IFT22: variants seen among roughly 807,000 people sequenced by gnomAD.
IFT22 encodes the protein intraflagellar transport protein 22 homolog.
In IFT22, 13 loss-of-function variants were observed where a neutral mutation model predicts 21.0. That is an observed-to-expected ratio of 0.62 (90% CI 0.40 to 0.98). The LOEUF (loss-of-function observed/expected upper bound fraction) is 0.98, where lower values mean the gene tolerates loss of function less well. Among genes scored for constraint, IFT22 ranks in the 50% least tolerant of loss-of-function variants. The pLI, the probability that IFT22 is intolerant of heterozygous loss-of-function variation, is 0.00. For synonymous variants in IFT22, 67 were observed against 82.4 expected (o/e 0.81, Z 1.01); for missense variants, 227 against 228.9 (o/e 0.99, Z 0.06).
Position 101,315,281 on chromosome 7 carries a change from C to T in IFT22, c.411G>A (p.Ser137=), listed in dbSNP as rs758284945. 7 of 1,613,980 alleles carry T rather than the reference C, an allele frequency of 4.3e-6. No individual in the cohort carries two copies. The highest frequency in any genetic ancestry group is 1.3e-5 in the African/African-American group (1 of 74,976). ...CCAGCTTCAGCTTGTTCAAGGGTGG[C>T]GCTTGAAAATGAAGATAAGGTTAAT... ...SGDDKGSLSL[S]PPLNKLKLVH... Residue 137 remains serine (S), a splice_region_variant and synonymous_variant, in exon 5 of 5, where the codon TCG becomes TCA. Transcript: ENST00000315322.
intron 3 of IFT22, among the ~76,000 whole-genome samples, 182 bp downstream of exon 3, chr7:101,317,942 A>G (rs1381473362): frequency 2.6e-5 from 4 of 151,986 alleles, no homozygotes; most frequent in Non-Finnish European, 4.4e-5. Context: ...AATTTTTTGT[A>G]TTTTTAGTAG....
chr7:101,319,173 C>T, intron 1 of IFT22, 141 bp from the exon 2 acceptor site: 2 of 709,472 alleles, frequency 2.8e-6, no homozygotes, highest in South Asian at 1.6e-5. Flanking sequence ...TGGTTACGAC[C>T]TCACTGTCTT....
At position 101,312,174 on chromosome 7, in the gene IFT22, C is replaced by T. The variant is rs147309141; in HGVS notation, c.*2960G>A. Among the ~76,000 whole-genome samples, 509 of 152,140 alleles carry T rather than the reference C, an allele frequency of 3.3e-3. 3 individuals carry two copies. The highest frequency in any genetic ancestry group is 0.011 in the African/African-American group (453 of 41,518). ...ATCCCACCACTTTGGGAGGCTGAGA[C>T]GGGCGGATCACTCAAGGACAGGAGT... On this transcript the variant is annotated 3_prime_UTR_variant, in exon 5 of 5. Coordinates refer to ENST00000315322, the MANE Select transcript of IFT22 (RefSeq NM_022777.4).
rs958911328 is a variant in IFT22, at chr7:101,313,022, C to T, written c.*2112G>A. 5.3e-5 allele frequency among the ~76,000 whole-genome samples: 8 copies of T among 151,870 alleles called. No homozygotes were observed. Among genetic ancestry groups the T allele is most frequent in the Non-Finnish European group, 8.8e-5 (6 of 67,970 alleles). ...CTAATTTTTGTATTTTTAGTAGAGA[C>T]GGGGTTTCACCATGTTGGACAGGCT... On this transcript the variant is annotated 3_prime_UTR_variant, in exon 5 of 5. Transcript: ENST00000315322.
At chr7:101,316,106 C>A in intron 4 of IFT22, 1 of 447,870 alleles carries the variant, frequency 2.2e-6, no homozygotes, top group Non-Finnish European at 4.1e-6. Context: ...TCAAGCAATT[C>A]TCCTGCCTTA....
chr7:101,321,545 T>A lies in IFT22; in HGVS notation c.39+126A>T, dbSNP rs553161513. ...GAAAGGGCAGGGGCGCCAGTCGGGA[T>A]GGGCGCGGTGGGCCCGGGTTCCCGC... On this transcript the variant is annotated intron_variant, in intron 1 of 4. Transcript: ENST00000315322. 8 of 946,596 alleles carry A rather than the reference T, an allele frequency of 8.5e-6. No homozygotes were observed. The South Asian group carries it at 1.3e-4, about 16-fold the overall frequency. The allele number at this position is 946,596 out of a possible 1,614,324, so 58.6% of individuals were successfully genotyped here. A position where few individuals can be genotyped will look rare whatever the true frequency, so the allele number is the denominator to read the frequency against.
intron 1 of IFT22, among the ~76,000 whole-genome samples, chr7:101,321,142 C>CA (rs1044928183): frequency 2.6e-5 from 4 of 151,482 alleles, no homozygotes; most frequent in Non-Finnish European, 5.9e-5. Flanking sequence ...GACTCTGTCT[C>CA]AAAAAAACAA....
At position 101,321,616 on chromosome 7, in the gene IFT22, C is replaced by T. The variant is rs576510163; in HGVS notation, c.39+55G>A. On this transcript the variant is annotated intron_variant, in intron 1 of 4. Coordinates refer to ENST00000315322, the MANE Select transcript of IFT22 (RefSeq NM_022777.4). ...TCAGACGGGTGGGGACCTGCGCTCG[C>T]CCAGGCCCCGAGGCCTGCTCCCCGC... 31 of 1,547,386 alleles carry T rather than the reference C, an allele frequency of 2.0e-5. No individual in the cohort carries two copies. The South Asian group carries it at 3.3e-4, about 16-fold the overall frequency.
At position 101,314,780 on chromosome 7, in the gene IFT22, A is replaced by G. The variant is rs1332266123; in HGVS notation, c.*354T>C. 4.8e-6 allele frequency: 1 copy of G among 210,210 alleles called. No homozygotes were observed. Among genetic ancestry groups the G allele is most frequent in the African/African-American group, 2.3e-5 (1 of 43,202 alleles). 13.0% of individuals were successfully genotyped at this position (210,210 alleles called of 1,614,324 possible). On this transcript the variant is annotated 3_prime_UTR_variant, in exon 5 of 5. Transcript: ENST00000315322. Reference sequence around the variant, plus strand: ...AATCAAGGAATGAAAATCACATTCAAGCCAATACACGTGATTAAACTACTG... The same window carrying G: ...AATCAAGGAATGAAAATCACATTCAGGCCAATACACGTGATTAAACTACTG...
intron 1 of IFT22, among the ~76,000 whole-genome samples, chr7:101,320,294 G>A (rs1357557851): frequency 6.7e-6 from 1 of 148,586 alleles, no homozygotes; most frequent in Non-Finnish European, 1.5e-5. Context: ...TTTTTGAGAC[G>A]GAGTCTCGCT....
chr7:101,318,913 G>A (rs768461372), intron 2 of IFT22, 43 bp downstream of exon 2: 24 of 1,505,562 alleles, frequency 1.6e-5, no homozygotes, highest in African/African-American at 6.9e-5. Flanking sequence ...CCTCCCTGCC[G>A]AGCCAGTTGG....
chr7:101,315,998 T>TC, intron 4 of IFT22: 1 of 36,938 alleles, frequency 2.7e-5, no homozygotes, highest in Admixed American at 1.7e-4. Context: ...GTCTTTTCTC[T>TC]TTTTTTTTTT....
intron 1 of IFT22, among the ~76,000 whole-genome samples, chr7:101,320,176 C>T (rs1318985470): frequency 6.6e-6 from 1 of 151,614 alleles, no homozygotes; most frequent in Admixed American, 6.6e-5. Flanking sequence ...AGGCTGGACT[C>T]GAACTCCTGA....
Position 101,318,193 on chromosome 7 carries a change from G to GCAACA in IFT22, c.136_137insTGTTG (p.Pro46LeufsTer34). The GCAACA allele has an allele frequency of 1.9e-6, 3 of 1,613,246 alleles. No individual in the cohort carries two copies. Among genetic ancestry groups the GCAACA allele is most frequent in the Non-Finnish European group, 2.5e-6 (3 of 1,179,396 alleles). ...GCCTTTGTTGTTGCTGGTAACATGCGGGTTCTCAAATTCTAGGATCCTAAA... is the reference window on the plus strand; with the variant it reads ...GCCTTTGTTGTTGCTGGTAACATGCGCAACAGGTTCTCAAATTCTAGGATCCTAAA... On this transcript the variant is annotated frameshift_variant, in exon 3 of 5. Coordinates refer to ENST00000315322, the MANE Select transcript of IFT22 (RefSeq NM_022777.4). LOFTEE classifies it high-confidence loss of function.
In IFT22 at chr7:101,315,125, G is replaced by T. The variant is rs1014859784; in HGVS notation, c.*9C>A. 1.9e-6 allele frequency: 3 copies of T among 1,611,668 alleles called. No individual in the cohort carries two copies. The highest frequency in any genetic ancestry group is 2.5e-6 in the Non-Finnish European group (3 of 1,178,482). On this transcript the variant is annotated 3_prime_UTR_variant, in exon 5 of 5. Coordinates refer to ENST00000315322, the MANE Select transcript of IFT22 (RefSeq NM_022777.4). ...CACTGGGGATGTGGCAGTCCCAGGT[G>T]AAGGCTGGCTAGGTCATAATTGACA...
At chr7:101,315,457 A>G in intron 4 of IFT22, 175 bp from the exon 5 acceptor site, 3 of 654,302 alleles carry the variant, frequency 4.6e-6, no homozygotes, top group East Asian at 5.5e-5. Context: ...CGACAGGATG[A>G]AAACCTTACA....
At position 101,312,536 on chromosome 7, in the gene IFT22, T is replaced by G. The variant is rs934268927; in HGVS notation, c.*2598A>C. Among the ~76,000 whole-genome samples, 10 of 143,082 alleles carry G rather than the reference T, an allele frequency of 7.0e-5. No individual in the cohort carries two copies. The highest frequency in any genetic ancestry group is 1.6e-4 in the African/African-American group (6 of 37,534). The allele number at this position is 143,082 out of a possible 152,430, so 93.9% of individuals were successfully genotyped here. A position where few individuals can be genotyped will look rare whatever the true frequency, so the allele number is the denominator to read the frequency against. On this transcript the variant is annotated 3_prime_UTR_variant, in exon 5 of 5. Coordinates refer to ENST00000315322, the MANE Select transcript of IFT22 (RefSeq NM_022777.4). ...ATATAATGTTTTGGAGAGAGTTGTT[T>G]TTTTTTTTTTTTTTTTTGTGACGGA...
At chr7:101,317,903 A>G (rs1361214399) in intron 3 of IFT22, among the ~76,000 whole-genome samples, 10 of 152,008 alleles carry the variant, frequency 6.6e-5, no homozygotes, top group Non-Finnish European at 1.3e-4. Flanking sequence ...CCCAACTGGG[A>G]TTACATGTGC....
chr7:101,315,546 T>C (rs1413316900), intron 4 of IFT22: 1 of 470,968 alleles, frequency 2.1e-6, no homozygotes, highest in Non-Finnish European at 3.8e-6. Context: ...CTGAATATTT[T>C]GTGAGTTCTT....
Sources: allele counts gnomAD v4.1 joint callset (sites outside exome capture counted in the v4.1 genomes callset), GRCh38; gene constraint gnomAD v4.1.1; transcripts MANE v1.5; gene names NCBI Gene and HGNC (gene_info 2026-07-23, HGNC 2026-07-21).